PDE11A: variants seen among roughly 807,000 people sequenced by gnomAD.
PDE11A encodes dual 3',5'-cyclic-AMP and -GMP phosphodiesterase 11A.
In PDE11A, 100 loss-of-function variants were observed where a neutral mutation model predicts 100.5. The ratio of observed to expected loss-of-function variants is 1.00; its 90% CI spans 0.85 to 1.18. PDE11A has a LOEUF of 1.18. Among genes scored for constraint, PDE11A ranks in the 50% most tolerant of loss-of-function variants. The probability of loss-of-function intolerance (pLI) is 0.00; values close to 1 mark genes in which losing one functional copy is unlikely to be tolerated. For synonymous variants in PDE11A, 381 were observed against 420.8 expected (o/e 0.91, Z 1.16); for missense variants, 1,141 against 1,152.6 (o/e 0.99, Z 0.15).
intron 2 of PDE11A, chr2:177,998,685 T>G: frequency 1.7e-6 from 2 of 1,176,304 alleles, no homozygotes; most frequent in Non-Finnish European, 1.3e-6. Flanking sequence ...CAGTATCACT[T>G]GATAGGCATC....
At chr2:178,018,697 C>T (rs748051512) in intron 1 of PDE11A, among the ~76,000 whole-genome samples, 18 of 152,154 alleles carry the variant, frequency 1.2e-4, no homozygotes, top group Non-Finnish European at 2.2e-4. Flanking sequence ...CAGGTGCACA[C>T]CACCATGCCC....
At position 177,910,457 on chromosome 2, in the gene PDE11A, CAT is replaced by C. The variant is rs2084862876; in HGVS notation, c.1072-5272_1072-5271del. 2.7e-5 allele frequency among the ~76,000 whole-genome samples: 4 copies of C among 148,028 alleles called. No homozygotes were observed. In the South Asian group the frequency reaches 6.5e-4, roughly 24 times the overall value. ...ATATATATATATATACACACACACA[CAT>C]ATATATATTGCTCTATTCTGCTATT... On this transcript the variant is annotated intron_variant, in intron 2 of 19. Transcript: ENST00000286063.
At chr2:177,918,459 A>T (rs1187259495) in intron 2 of PDE11A, among the ~76,000 whole-genome samples, 1 of 152,236 alleles carries the variant, frequency 6.6e-6, no homozygotes, top group Admixed American at 6.5e-5. Flanking sequence ...CAGCAGAAGG[A>T]AAGAATTAAT....
intron 10 of PDE11A, among the ~76,000 whole-genome samples, chr2:177,743,261 A>G (rs1359090242): frequency 1.3e-5 from 2 of 152,212 alleles, no homozygotes; most frequent in Non-Finnish European, 2.9e-5. Context: ...TAGTTATAGG[A>G]TCACTAATTG....
chr2:178,063,797 C>A (rs967545202), intron 1 of PDE11A, among the ~76,000 whole-genome samples: 2 of 152,116 alleles, frequency 1.3e-5, no homozygotes, highest in African/African-American at 2.4e-5. Flanking sequence ...ATTAGCTAGC[C>A]CTGGGAGGGG....
chr2:178,032,843 C>A (rs112927732), intron 1 of PDE11A, among the ~76,000 whole-genome samples: 1,586 of 152,168 alleles, frequency 0.01, 24 homozygotes, highest in African/African-American at 0.036. Flanking sequence ...AAACAGAAAG[C>A]GATAACATCA....
At chr2:177,884,515 G>A (rs2105708981) in intron 4 of PDE11A, among the ~76,000 whole-genome samples, 1 of 152,296 alleles carries the variant, frequency 6.6e-6, no homozygotes, top group South Asian at 2.1e-4. Flanking sequence ...GCTAGTACAT[G>A]CTTAGGCTGA....
intron 9 of PDE11A, among the ~76,000 whole-genome samples, chr2:177,776,134 A>G (rs2082374120): frequency 6.6e-6 from 1 of 152,218 alleles, no homozygotes; most frequent in Non-Finnish European, 1.5e-5. Flanking sequence ...TGCCTTATAT[A>G]TGAGCATAAA....
At chr2:177,742,198 T>C (rs1401018448) in intron 10 of PDE11A, among the ~76,000 whole-genome samples, 4 of 152,062 alleles carry the variant, frequency 2.6e-5, no homozygotes, top group African/African-American at 9.7e-5. Flanking sequence ...TCCCTTACTA[T>C]GCCTAGGTTC....
At chr2:177,966,117 T>C (rs1359384333) in intron 2 of PDE11A, among the ~76,000 whole-genome samples, 2 of 152,174 alleles carry the variant, frequency 1.3e-5, no homozygotes, top group Non-Finnish European at 2.9e-5. Flanking sequence ...TCTGTGTGGC[T>C]ATTGTGAATG....
intron 13 of PDE11A, among the ~76,000 whole-genome samples, chr2:177,705,964 GAGA>G (rs1453549162): frequency 1.3e-5 from 2 of 152,208 alleles, no homozygotes; most frequent in African/African-American, 4.8e-5. Context: ...CTGTAATAGA[GAGA>G]AGGATGAGTG....
intron 2 of PDE11A, among the ~76,000 whole-genome samples, chr2:177,999,520 G>A (rs181548551): frequency 6.6e-6 from 1 of 152,280 alleles, no homozygotes; most frequent in East Asian, 1.9e-4. Context: ...ATATGGATAG[G>A]TTTTTTGTAA....
Position 177,840,247 on chromosome 2 carries a change from T to C in PDE11A, c.1500+4A>G. On this transcript the variant is annotated splice_donor_region_variant and intron_variant, in intron 6 of 19. Transcript: ENST00000286063. ...AGGATTGCAACCAGAGGGGCTCCTC[T>C]TACCTCTGCATCAAAGCGCGGATCC... is the stretch of plus-strand genomic sequence containing the variant. 1.2e-6 allele frequency: 2 copies of C among 1,613,998 alleles called. No individual in the cohort carries two copies. Among genetic ancestry groups the C allele is most frequent in the Non-Finnish European group, 1.7e-6 (2 of 1,179,872 alleles).
intron 2 of PDE11A, among the ~76,000 whole-genome samples, chr2:177,910,288 A>C (rs568386441): frequency 7.2e-5 from 11 of 152,344 alleles, no homozygotes; most frequent in Admixed American, 4.6e-4. Flanking sequence ...CAGGAGAAGC[A>C]GGCAAATACA....
At chr2:178,061,808 T>C (rs1055701904) in intron 1 of PDE11A, among the ~76,000 whole-genome samples, 2 of 152,182 alleles carry the variant, frequency 1.3e-5, no homozygotes, top group Non-Finnish European at 2.9e-5. Context: ...ACAGGAATGG[T>C]TGATCCTGAT....
intron 2 of PDE11A, among the ~76,000 whole-genome samples, chr2:178,002,595 AT>A (rs2086158606): frequency 1.3e-5 from 2 of 152,302 alleles, no homozygotes; most frequent in Non-Finnish European, 2.9e-5. Context: ...GGTATTATGA[AT>A]AACCTAGAAG....
chr2:177,946,140 T>G (rs1192394632), intron 2 of PDE11A, among the ~76,000 whole-genome samples: 2 of 73,040 alleles, frequency 2.7e-5, no homozygotes, highest in Non-Finnish European at 2.7e-5. Flanking sequence ...CCGCCCCGTC[T>G]GGGAGGTGAG....
chr2:177,795,108 T>C (rs1447254009), intron 9 of PDE11A, among the ~76,000 whole-genome samples: 2 of 152,168 alleles, frequency 1.3e-5, no homozygotes, highest in Non-Finnish European at 1.5e-5. Flanking sequence ...TAAAATGGCA[T>C]TCTAACCTTT....
At chr2:177,856,169 T>C (rs2083829301) in intron 5 of PDE11A, among the ~76,000 whole-genome samples, 1 of 152,112 alleles carries the variant, frequency 6.6e-6, no homozygotes, top group Non-Finnish European at 1.5e-5. Flanking sequence ...CCAAGCTAAC[T>C]GAGCAGTACC....
Sources: allele counts gnomAD v4.1 joint callset (sites outside exome capture counted in the v4.1 genomes callset), GRCh38; gene constraint gnomAD v4.1.1; transcripts MANE v1.5; gene names NCBI Gene and HGNC (gene_info 2026-07-23, HGNC 2026-07-21).